The following PAPSS2 variants were observed in gnomAD, a reference collection of about 807,000 sequenced individuals.
PAPSS2 encodes the protein bifunctional 3'-phosphoadenosine 5'-phosphosulfate synthase 2.
PAPSS2 carries 61 observed loss-of-function variants against 66.5 expected under a neutral mutation model. The ratio of observed to expected loss-of-function variants is 0.92; its 90% CI spans 0.75 to 1.14. The LOEUF is 1.14. PAPSS2 is among the 50% of genes most tolerant of loss of function. The pLI is 0.00. For synonymous variants in PAPSS2, 289 were observed against 287.5 expected (o/e 1.01, Z -0.05); for missense variants, 708 against 789.6 (o/e 0.90, Z 1.24).
chr10:87,688,951 A>G (rs911804791), intron 1 of PAPSS2, among the ~76,000 whole-genome samples: 6 of 145,470 alleles, frequency 4.1e-5, no homozygotes, highest in African/African-American at 7.8e-5. Context: ...AGATGGATAA[A>G]TTTAACTACC....
chr10:87,661,454 T>A (rs949694443), intron 1 of PAPSS2, among the ~76,000 whole-genome samples: 1 of 152,230 alleles, frequency 6.6e-6, no homozygotes, highest in Non-Finnish European at 1.5e-5. Context: ...TTCTGTAAAA[T>A]CCTAAATAGT....
intron 1 of PAPSS2, among the ~76,000 whole-genome samples, chr10:87,674,164 T>TA (rs1174838291): frequency 1.3e-5 from 2 of 151,974 alleles, no homozygotes; most frequent in African/African-American, 2.4e-5. Context: ...CTTGGATGGG[T>TA]AAAAAAAATT....
chr10:87,728,466 G>A (rs12268865), intron 9 of PAPSS2, among the ~76,000 whole-genome samples: 3,332 of 152,260 alleles, frequency 0.022, 102 homozygotes, highest in African/African-American at 0.064. Context: ...CAGGCTGGGC[G>A]CGGTGGCTCA....
chr10:87,694,638 T>C (rs1434412875), intron 1 of PAPSS2, among the ~76,000 whole-genome samples: 1 of 152,108 alleles, frequency 6.6e-6, no homozygotes, highest in African/African-American at 2.4e-5. Context: ...GAGTAGAAAA[T>C]ATGGCTGAAA....
At chr10:87,712,854 C>T (rs562398012) in intron 2 of PAPSS2, among the ~76,000 whole-genome samples, 1 of 152,156 alleles carries the variant, frequency 6.6e-6, no homozygotes, top group South Asian at 2.1e-4. Context: ...ATTTATGAAG[C>T]CTGCTTGCTT....
At chr10:87,664,247 CAA>C (rs1852789034) in intron 1 of PAPSS2, among the ~76,000 whole-genome samples, 1 of 152,116 alleles carries the variant, frequency 6.6e-6, no homozygotes, top group Non-Finnish European at 1.5e-5. Flanking sequence ...TAAGGAAAAA[CAA>C]ATGCAGAAAT....
At chr10:87,709,348 A>G in intron 2 of PAPSS2, 35 bp downstream of exon 2, 2 of 1,193,876 alleles carry the variant, frequency 1.7e-6, no homozygotes, top group Non-Finnish European at 2.5e-6. Flanking sequence ...TATATATACA[A>G]ATTGCAAACT....
intron 9 of PAPSS2, among the ~76,000 whole-genome samples, chr10:87,734,240 T>C (rs1853765852): frequency 6.6e-6 from 1 of 152,172 alleles, no homozygotes; most frequent in Non-Finnish European, 1.5e-5. Flanking sequence ...CTTTTGCACA[T>C]ACTCATCCTT....
Position 87,719,852 on chromosome 10 carries a change from G to T in PAPSS2, c.866-1904G>T, listed in dbSNP as rs140076579. On this transcript the variant is annotated intron_variant, in intron 7 of 12. Transcript: ENST00000456849. ...TAAGTCCTTCCCGCCCCCCATCAGT[G>T]GTTGTGAAACTTTCTTTTTTATTTT... 2.4e-3 allele frequency among the ~76,000 whole-genome samples: 359 copies of T among 152,028 alleles called. 2 individuals are homozygous for T. Among genetic ancestry groups the T allele is most frequent in the African/African-American group, 8.5e-3 (351 of 41,468 alleles).
intron 1 of PAPSS2, among the ~76,000 whole-genome samples, chr10:87,667,695 G>A (rs1445258257): frequency 6.6e-6 from 1 of 152,096 alleles, no homozygotes; most frequent in African/African-American, 2.4e-5. Context: ...GTGCAAGCAC[G>A]ACTGTAATAT....
intron 1 of PAPSS2, among the ~76,000 whole-genome samples, chr10:87,701,398 C>CTT (rs58241817): frequency 1.3e-5 from 1 of 79,996 alleles, no homozygotes; most frequent in Non-Finnish European, 2.3e-5. Flanking sequence ...CTTTCTTTCT[C>CTT]TTTCTTTCTC....
chr10:87,718,196 A>T (rs1309473268), intron 7 of PAPSS2, among the ~76,000 whole-genome samples: 1 of 151,838 alleles, frequency 6.6e-6, no homozygotes, highest in Non-Finnish European at 1.5e-5. Context: ...TGCATGGCTA[A>T]GTTTTGTATT....
chr10:87,672,034 T>G (rs1246657956), intron 1 of PAPSS2, among the ~76,000 whole-genome samples: 2 of 152,230 alleles, frequency 1.3e-5, no homozygotes, highest in East Asian at 3.8e-4. Flanking sequence ...TCATCAAGAC[T>G]TATTCATACT....
At chr10:87,696,200 CT>C (rs1431161035) in intron 1 of PAPSS2, among the ~76,000 whole-genome samples, 2 of 152,212 alleles carry the variant, frequency 1.3e-5, no homozygotes, top group Non-Finnish European at 2.9e-5. Flanking sequence ...AATATTTGCT[CT>C]TTTACCCTGC....
chr10:87,701,332 CTTTCTTT>C (rs1564716692), intron 1 of PAPSS2, among the ~76,000 whole-genome samples: 601 of 50,774 alleles, frequency 0.012, 4 homozygotes, highest in Non-Finnish European at 0.013. Flanking sequence ...TCCTTCCTTT[CTTTCTTT>C]CTTTCTTTCT....
intron 11 of PAPSS2, among the ~76,000 whole-genome samples, 164 bp from the exon 12 acceptor site, chr10:87,744,838 C>T (rs2131732113): frequency 6.6e-6 from 1 of 152,308 alleles, no homozygotes; most frequent in East Asian, 1.9e-4. Context: ...TATAACAAAG[C>T]ATGAAGAGTG....
At chr10:87,685,221 A>T (rs748122092) in intron 1 of PAPSS2, among the ~76,000 whole-genome samples, 1 of 152,168 alleles carries the variant, frequency 6.6e-6, no homozygotes, top group Non-Finnish European at 1.5e-5. Context: ...GTGTTGGTAT[A>T]TTTTTGGCTT....
intron 1 of PAPSS2, among the ~76,000 whole-genome samples, chr10:87,666,024 C>A (rs999024648): frequency 6.1e-5 from 9 of 148,574 alleles, no homozygotes; most frequent in Non-Finnish European, 1.2e-4. Context: ...GTGCTGTTGG[C>A]GTGATCTTGG....
intron 1 of PAPSS2, among the ~76,000 whole-genome samples, chr10:87,668,215 A>T (rs945111450): frequency 1.3e-5 from 2 of 152,224 alleles, no homozygotes; most frequent in African/African-American, 4.8e-5. Context: ...AACCTGAATT[A>T]ACTTTTTGGC....
Sources: allele counts gnomAD v4.1 joint callset (sites outside exome capture counted in the v4.1 genomes callset), GRCh38; gene constraint gnomAD v4.1.1; transcripts MANE v1.5; gene names NCBI Gene and HGNC (gene_info 2026-07-23, HGNC 2026-07-21).